USP2: variants seen among roughly 807,000 people sequenced by gnomAD.
USP2 encodes ubiquitin carboxyl-terminal hydrolase 2.
USP2 carries 33 observed loss-of-function variants against 72.0 expected under a neutral mutation model. The ratio of observed to expected loss-of-function variants is 0.46; its 90% confidence interval spans 0.35 to 0.61. The LOEUF (loss-of-function observed/expected upper bound fraction) is 0.61, where lower values mean the gene tolerates loss of function less well. USP2 is among the 20% of genes least tolerant of loss of function. The pLI, the probability that USP2 is intolerant of heterozygous loss-of-function variation, is 0.01. For synonymous variants in USP2, 296 were observed against 312.5 expected (o/e 0.95, Z 0.56); for missense variants, 691 against 797.8 (o/e 0.87, Z 1.61).
chr11:119,369,767 C>T (rs1950902738), intron 2 of USP2, among the ~76,000 whole-genome samples: 1 of 152,278 alleles, frequency 6.6e-6, no homozygotes, highest in East Asian at 1.9e-4. Flanking sequence ...GTTAGAGAGG[C>T]CAACTGTTCC....
Position 119,356,640 on chromosome 11 carries a change from G to A in USP2, c.*195C>T, listed in dbSNP as rs1049779001. The A allele has an allele frequency of 6.9e-6, 4 of 577,368 alleles. No homozygotes were observed. Among genetic ancestry groups the A allele is most frequent in the Non-Finnish European group, 1.2e-5 (4 of 336,322 alleles). The allele number at this position is 577,368 out of a possible 1,614,324, so 35.8% of individuals were successfully genotyped here. On this transcript the variant is annotated 3_prime_UTR_variant, in exon 13 of 13. Transcript: ENST00000260187. ...CCACGTCCAGGCGATCTTCCCTGCC[G>A]GGCCACAGCTCAGGAAAGCCCGGCT...
intron 1 of USP2, among the ~76,000 whole-genome samples, chr11:119,375,807 C>T (rs187680894): frequency 6.6e-6 from 1 of 152,298 alleles, no homozygotes. Flanking sequence ...GCGCCCCAAG[C>T]CCGTGACATC....
chr11:119,355,937 T>C lies in USP2; in HGVS notation c.*898A>G, dbSNP rs1426993164. The C allele has an allele frequency of 6.6e-6, 1 of 150,998 alleles. No individual in the cohort carries two copies. Among genetic ancestry groups the C allele is most frequent in the Non-Finnish European group, 1.5e-5 (1 of 67,846 alleles). The allele number at this position is 150,998 out of a possible 1,614,324, so 9.4% of individuals were successfully genotyped here. A position where few individuals can be genotyped will look rare whatever the true frequency, so the allele number is the denominator to read the frequency against. ...TCCCAGGCGGGTTTGAACAGAGCAC[T>C]GGGGAAAAGGGAAGAGGCTGAGGGA... On this transcript the variant is annotated 3_prime_UTR_variant, in exon 13 of 13. Transcript: ENST00000260187.
intron 2 of USP2, among the ~76,000 whole-genome samples, chr11:119,369,460 A>G (rs188440727): frequency 2.0e-5 from 3 of 152,298 alleles, no homozygotes; most frequent in Admixed American, 6.5e-5. Context: ...AGCTCCAGTC[A>G]GCTATCCTGA....
intron 2 of USP2, among the ~76,000 whole-genome samples, chr11:119,367,439 G>C (rs1412994692): frequency 2.0e-5 from 3 of 152,232 alleles, no homozygotes; most frequent in African/African-American, 7.2e-5. Flanking sequence ...GGCTAAGGCA[G>C]ATGTCTTAAA....
At chr11:119,374,046 C>T (rs917861081) in intron 1 of USP2, among the ~76,000 whole-genome samples, 1 of 152,178 alleles carries the variant, frequency 6.6e-6, no homozygotes, top group Non-Finnish European at 1.5e-5. Context: ...GTCAGATCCC[C>T]TGTGAGGCCA....
Position 119,356,624 on chromosome 11 carries a change from G to T in USP2, c.*211C>A. ...CGGGGCGATGCTGGCTCCACGTCCA[G>T]GCGATCTTCCCTGCCGGGCCACAGC... On this transcript the variant is annotated 3_prime_UTR_variant, in exon 13 of 13. Transcript: ENST00000260187. 1 of 561,402 alleles carries T rather than the reference G, an allele frequency of 1.8e-6. No individual in the cohort carries two copies. The highest frequency in any genetic ancestry group is 2.4e-5 in the South Asian group (1 of 42,500). 34.8% of individuals were successfully genotyped at this position (561,402 alleles called of 1,614,324 possible).
rs1032076413 is a variant in USP2, at chr11:119,375,001, G to T, written c.-41-1480C>A. ...ACAGTGGCTACCATCTCCTCCCCCA[G>T]CTACTGCGAGGCAGCATGGCTCCGC... On this transcript the variant is annotated intron_variant, in intron 1 of 12. Coordinates refer to ENST00000260187, the MANE Select transcript of USP2 (RefSeq NM_004205.5). Among the ~76,000 whole-genome samples, 6 of 152,314 alleles carry T rather than the reference G, an allele frequency of 3.9e-5. No individual in the cohort carries two copies. The South Asian group carries it at 1.0e-3, about 26-fold the overall frequency.
In USP2 at chr11:119,373,231, C is replaced by T. The variant is rs113893557; in HGVS notation, c.250G>A (p.Asp84Asn). ...GCCCGCTTACCACCCCCAGTGATGT[C>T]GGGTCTCAGCAGGGGGCGGCCCCGG... ...YDRGRPLLRP[D>N]ITGGGKRAES... Residue 84 changes from aspartate (D) to asparagine (N), a missense_variant, in exon 2 of 13, where the codon GAC becomes AAC. Physicochemically the swap from Asp to Asn is conservative, Grantham distance 23. Coordinates refer to ENST00000260187, the MANE Select transcript of USP2 (RefSeq NM_004205.5). 34 of 1,613,924 alleles carry T rather than the reference C, an allele frequency of 2.1e-5. No homozygotes were observed. Among genetic ancestry groups the T allele is most frequent in the African/African-American group, 1.7e-4 (13 of 75,016 alleles).
Position 119,357,542 on chromosome 11 carries a change from G to A in USP2, c.1550C>T (p.Thr517Ile). Residue 517 changes from threonine (T) to isoleucine (I), a missense_variant, in exon 11 of 13, where the codon ACA (threonine) becomes ATA (isoleucine). Coordinates refer to ENST00000260187, the MANE Select transcript of USP2 (RefSeq NM_004205.5). ...ESRIRTSKLT[T>I]FVNFPLRDLD... is the part of the protein sequence containing the mutation. The stretch of plus-strand genomic sequence containing the variant: ...GTCTCTTAGGGGGAAGTTCACAAAT[G>A]TTGTGAGCTTGCTGGTTCGGATCCT... 3 of 1,614,170 alleles carry A rather than the reference G, an allele frequency of 1.9e-6. No individual in the cohort carries two copies. Among genetic ancestry groups the A allele is most frequent in the Non-Finnish European group, 2.5e-6 (3 of 1,180,030 alleles).
chr11:119,371,805 C>T (rs1467409253), intron 2 of USP2, among the ~76,000 whole-genome samples: 2 of 152,118 alleles, frequency 1.3e-5, no homozygotes, highest in Non-Finnish European at 2.9e-5. Flanking sequence ...ACCCGTGTAT[C>T]CACCCACCCA....
At position 119,373,138 on chromosome 11, in the gene USP2, A is replaced by G; in HGVS notation, c.343T>C (p.Tyr115His). 1 of 1,614,076 alleles carries G rather than the reference A, an allele frequency of 6.2e-7. No individual in the cohort carries two copies. Among genetic ancestry groups the G allele is most frequent in the Non-Finnish European group, 8.5e-7 (1 of 1,180,006 alleles). ...SGLSGGSGFP[Y>H]GVTNNCLSYL... Reference sequence around the variant, plus strand: ...CTGAGGCAGTTGTTGGTCACTCCATAAGGGAATCCGCTGCCCCCGCTGAGG... The same window carrying G: ...CTGAGGCAGTTGTTGGTCACTCCATGAGGGAATCCGCTGCCCCCGCTGAGG... The change falls in exon 2 of 13, where the codon TAT (tyrosine) becomes CAT (histidine). Residue 115 changes from tyrosine (Y) to histidine (H), a missense_variant. Transcript: ENST00000260187.
intron 2 of USP2, among the ~76,000 whole-genome samples, chr11:119,360,580 T>C (rs1166419667): frequency 6.6e-6 from 1 of 152,068 alleles, no homozygotes; most frequent in African/African-American, 2.4e-5. Context: ...TGTGCCACGA[T>C]GCCCGGCTAA....
In USP2 at chr11:119,381,536, C is replaced by T. The variant is rs1027278856; in HGVS notation, c.-105G>A. The T allele has an allele frequency of 2.0e-6, 3 of 1,536,008 alleles. No homozygotes were observed. The highest frequency in any genetic ancestry group is 2.0e-5 in the Admixed American group (1 of 50,990). On this transcript the variant is annotated 5_prime_UTR_variant, in exon 1 of 13. Transcript: ENST00000260187. ...CAAGCATGGAGCTGCGGGTGAGTCC[C>T]GGCTGGCGCTGGCGCGGCGCAGTGA... is the stretch of plus-strand genomic sequence containing the variant.
chr11:119,361,163 G>C (rs1305921226), intron 2 of USP2, among the ~76,000 whole-genome samples: 3 of 152,218 alleles, frequency 2.0e-5, no homozygotes, highest in Non-Finnish European at 4.4e-5. Flanking sequence ...CCTGGCTCAG[G>C]TTTCAACATC....
intron 2 of USP2, among the ~76,000 whole-genome samples, chr11:119,363,163 G>A (rs1172015860): frequency 2.6e-5 from 4 of 152,344 alleles, no homozygotes; most frequent in Admixed American, 2.6e-4. Flanking sequence ...CGCACTGCCA[G>A]CACGGGAGCT....
intron 2 of USP2, among the ~76,000 whole-genome samples, chr11:119,370,448 T>TA (rs1950911653): frequency 6.6e-6 from 1 of 152,164 alleles, no homozygotes; most frequent in South Asian, 2.1e-4. Flanking sequence ...GTCACGCTGC[T>TA]AGTAAGCTGA....
chr11:119,372,536 C>T (rs1401800256), intron 2 of USP2, among the ~76,000 whole-genome samples, 171 bp downstream of exon 2: 1 of 152,214 alleles, frequency 6.6e-6, no homozygotes, highest in Admixed American at 6.5e-5. Flanking sequence ...CCCCTCCCCT[C>T]GGCACGGAGC....
chr11:119,372,951 T>C lies in USP2; in HGVS notation c.530A>G (p.Lys177Arg), dbSNP rs1029119435. 8 of 1,613,664 alleles carry C rather than the reference T, an allele frequency of 5.0e-6. No individual in the cohort carries two copies. In the African/African-American group the frequency reaches 5.3e-5, roughly 11 times the overall value. ...GRSPMLARTR[K>R]ELCTLQGLYQ... ...GAGCCCCTGCAGGGTGCAGAGCTCC[T>C]TGCGCGTCCGGGCCAGCATGGGGCT... is the stretch of plus-strand genomic sequence containing the variant. The change falls in exon 2 of 13, where the codon AAG (lysine) becomes AGG (arginine). Residue 177 changes from lysine to arginine, a missense_variant. Lys to Arg is a conservative substitution (Grantham distance 26, BLOSUM62 2). Coordinates refer to ENST00000260187, the MANE Select transcript of USP2 (RefSeq NM_004205.5).
Sources: gnomAD v4.1 joint callset for allele counts (sites outside exome capture counted in the v4.1 genomes callset) on GRCh38, gnomAD v4.1.1 for gene constraint, MANE v1.5 for transcripts, NCBI Gene and HGNC (gene_info 2026-07-23, HGNC 2026-07-21) for gene names.